The following HSP90B1 variants were observed in gnomAD, a reference collection of about 807,000 sequenced individuals.
HSP90B1 encodes the protein heat shock protein 90 beta family member 1.
A neutral mutation model predicts 100.4 loss-of-function variants in HSP90B1; 27 were observed. The observed-to-expected ratio is 0.27, with a 90% CI of 0.20 to 0.37. The LOEUF (loss-of-function observed/expected upper bound fraction) is 0.37. Ranked by LOEUF, HSP90B1 falls within the 10% of genes least tolerant of loss-of-function variation. HSP90B1 has a pLI of 1.00. For missense variants in HSP90B1, 678 were observed against 960.5 expected (o/e 0.71, Z 3.89); for synonymous variants, 304 against 330.8 (o/e 0.92, Z 0.88).
Position 103,942,746 on chromosome 12 carries a change from A to C in HSP90B1, c.1594A>C (p.Lys532Gln), listed in dbSNP as rs1441179893. ...CCTAGACCAGTATGTGGAAAGAATG[A>C]AGGAAAAACAAGACAAAATCTACTT... The part of the protein sequence containing the change: ...TSLDQYVERM[K>Q]EKQDKIYFMA... The change falls in exon 12 of 18, where the codon AAG becomes CAG. Residue 532 changes from lysine to glutamine, a missense_variant. By Grantham distance (53) the Lys-to-Gln change is moderately conservative (BLOSUM62 1). Coordinates refer to ENST00000299767, the MANE Select transcript of HSP90B1 (RefSeq NM_003299.3). The C allele has an allele frequency of 6.2e-7, 1 of 1,613,956 alleles. No homozygotes were observed. Among genetic ancestry groups the C allele is most frequent in the Non-Finnish European group, 8.5e-7 (1 of 1,179,832 alleles).
At position 103,938,580 on chromosome 12, in the gene HSP90B1, A is replaced by T; in HGVS notation, c.975+121A>T. Reference sequence around the variant, plus strand: ...TTCAGTTCAGGTGCTAAGTCCATGGAGCCAGCTTTTAAAATAAGGCCTTTG... The same window carrying T: ...TTCAGTTCAGGTGCTAAGTCCATGGTGCCAGCTTTTAAAATAAGGCCTTTG... On this transcript the variant is annotated intron_variant, in intron 7 of 17. Transcript: ENST00000299767. The T allele has an allele frequency of 4.6e-6, 5 of 1,096,898 alleles. No homozygotes were observed. In the South Asian group the frequency reaches 8.5e-5, roughly 19 times the overall value. The allele number at this position is 1,096,898 out of a possible 1,614,324, so 67.9% of individuals were successfully genotyped here.
chr12:103,931,593 G>C lies in HSP90B1; in HGVS notation c.122G>C (p.Gly41Ala). Residue 41 changes from glycine to alanine, a missense_variant, in exon 2 of 18, where the codon GGA becomes GCA. Transcript: ENST00000299767. ...VEEDLGKSRE[G>A]SRTDDEVVQR... Reference sequence around the variant, plus strand: ...GAGGATCTGGGTAAAAGTAGAGAAGGATCAAGGACGGATGATGAAGTAGTA... The same window carrying C: ...GAGGATCTGGGTAAAAGTAGAGAAGCATCAAGGACGGATGATGAAGTAGTA... The C allele has an allele frequency of 2.5e-6, 4 of 1,613,432 alleles. No homozygotes were observed. The highest frequency in any genetic ancestry group is 3.4e-6 in the Non-Finnish European group (4 of 1,179,438).
chr12:103,933,913 G>A, intron 4 of HSP90B1, 43 bp from the exon 5 acceptor site: 2 of 1,498,536 alleles, frequency 1.3e-6, no homozygotes, highest in South Asian at 1.2e-5. Flanking sequence ...TTGGCATAAT[G>A]TAAATATTAA....
chr12:103,947,623 T>G lies in HSP90B1; in HGVS notation c.2383-10T>G, dbSNP rs758207861. 2 of 1,577,384 alleles carry G rather than the reference T, an allele frequency of 1.3e-6. No individual in the cohort carries two copies. Among genetic ancestry groups the G allele is most frequent in the Non-Finnish European group, 1.7e-6 (2 of 1,159,176 alleles). On this transcript the variant is annotated splice_polypyrimidine_tract_variant and intron_variant, in intron 17 of 17. Coordinates refer to ENST00000299767, the MANE Select transcript of HSP90B1 (RefSeq NM_003299.3). ...TTAATACCTTCTGGGTTTTTTTTAT[T>G]TATTTACAGGAATCTACAGCTGAAA...
At chr12:103,937,487 G>C (rs552777802) in intron 5 of HSP90B1, among the ~76,000 whole-genome samples, 1 of 152,306 alleles carries the variant, frequency 6.6e-6, no homozygotes, top group African/African-American at 2.4e-5. Flanking sequence ...CTCCACTTGA[G>C]GTAATGTAGA....
intron 14 of HSP90B1, among the ~76,000 whole-genome samples, chr12:103,944,360 A>G (rs923127393): frequency 6.6e-6 from 1 of 152,176 alleles, no homozygotes; most frequent in Non-Finnish European, 1.5e-5. Context: ...TCAAGGGCCT[A>G]TACCTGGAGG....
intron 17 of HSP90B1, 74 bp downstream of exon 17, chr12:103,947,504 G>A (rs1428004876): frequency 1.1e-5 from 17 of 1,611,408 alleles, no homozygotes; most frequent in Non-Finnish European, 1.4e-5. Context: ...TTCTGGCAAA[G>A]TTAAGACTGT....
At chr12:103,939,762 A>G (rs1870023574) in intron 8 of HSP90B1, 137 bp downstream of exon 8, 1 of 489,280 alleles carries the variant, frequency 2.0e-6, no homozygotes, top group Non-Finnish European at 3.7e-6. Flanking sequence ...GAAAATTCAA[A>G]AAAAGACCTT....
At chr12:103,934,325 T>G (rs1478730030) in intron 5 of HSP90B1, 38 bp downstream of exon 5, 1 of 1,479,240 alleles carries the variant, frequency 6.8e-7, no homozygotes, top group Middle Eastern at 1.7e-4. Context: ...TTAATAGTCA[T>G]GGTGAGGATC....
chr12:103,936,939 G>A (rs1186224481), intron 5 of HSP90B1, among the ~76,000 whole-genome samples: 1 of 152,146 alleles, frequency 6.6e-6, no homozygotes, highest in Non-Finnish European at 1.5e-5. Context: ...GACAGGGAGG[G>A]AACCATAGAT....
In HSP90B1 at chr12:103,939,591, A is replaced by C. The variant is rs375594636; in HGVS notation, c.1058A>C (p.Asp353Ala). 5.4e-5 allele frequency: 84 copies of C among 1,566,536 alleles called. No homozygotes were observed. The South Asian group carries it at 6.1e-4, about 11-fold the overall frequency. ...WQRPSKEVEE[D>A]EYKAFYKSFS... ...AGACCATCAAAAGAAGTAGAAGAAGATGAATACAAAGCTTTCTACAAATCA... is the reference window on the plus strand; with the variant it reads ...AGACCATCAAAAGAAGTAGAAGAAGCTGAATACAAAGCTTTCTACAAATCA... Residue 353 changes from aspartate to alanine, a missense_variant, in exon 8 of 18, where the codon GAT becomes GCT. Transcript: ENST00000299767.
Position 103,946,830 on chromosome 12 carries a change from G to A in HSP90B1, c.2151G>A (p.Leu717=). ...DKTVLDLAVV[L]FETATLRSGY... The stretch of plus-strand genomic sequence containing the variant: ...CAGTTTTGGATCTTGCTGTGGTTTT[G>A]TTTGAAACAGCAACGCTTCGGTCAG... Residue 717 remains leucine, a synonymous_variant, in exon 16 of 18, where the codon TTG becomes TTA. Coordinates refer to ENST00000299767, the MANE Select transcript of HSP90B1 (RefSeq NM_003299.3). 3 of 1,614,124 alleles carry A rather than the reference G, an allele frequency of 1.9e-6. No homozygotes were observed. Among genetic ancestry groups the A allele is most frequent in the South Asian group, 1.1e-5 (1 of 91,078 alleles).
At chr12:103,942,909 AG>A (rs1870119569) in intron 12 of HSP90B1, 113 bp downstream of exon 12, 50 of 1,423,848 alleles carry the variant, frequency 3.5e-5, no homozygotes, top group Non-Finnish European at 4.8e-5. Flanking sequence ...AGTAGTTATA[AG>A]GCCTGGTCAG....
intron 14 of HSP90B1, among the ~76,000 whole-genome samples, chr12:103,944,263 C>A (rs1287853315): frequency 6.6e-6 from 1 of 152,172 alleles, no homozygotes; most frequent in Non-Finnish European, 1.5e-5. Flanking sequence ...ACGTCCCCCA[C>A]ACCCCCAAGC....
rs1410751557 is a variant in HSP90B1 at position 103,943,698 on chromosome 12, T to TTAC, written c.1891-40_1891-39insTAC. ...AAGACAATTGCTCAATGACCTTACC[T>TTAC]GTTGATATTAATTTATATGACTTGA... is the stretch of plus-strand genomic sequence containing the variant. On this transcript the variant is annotated intron_variant, in intron 13 of 17. Transcript: ENST00000299767. This position sits in a 1 kb window ranked among gnomAD's most constrained non-coding sequence, Gnocchi z 5.3. The TTAC allele has an allele frequency of 6.3e-7, 1 of 1,590,278 alleles. No individual in the cohort carries two copies. Among genetic ancestry groups the TTAC allele is most frequent in the Non-Finnish European group, 8.6e-7 (1 of 1,165,272 alleles).
rs1428140798 is a variant in HSP90B1 at position 103,930,999 on chromosome 12, T to C, written c.49+435T>C. On this transcript the variant is annotated intron_variant, in intron 1 of 17. Coordinates refer to ENST00000299767, the MANE Select transcript of HSP90B1 (RefSeq NM_003299.3). The surrounding 1 kb of genome is among the most constrained non-coding windows in gnomAD (Gnocchi z 4.4). ...TTCTTAGATGCTGGCCTCGGGAGCG[T>C]GAGGCCTGGGGCCAGCGGAATGGCA... Among the ~76,000 whole-genome samples the C allele has an allele frequency of 6.6e-6, 1 of 152,172 alleles. No homozygotes were observed. The highest frequency in any genetic ancestry group is 1.5e-5 in the Non-Finnish European group (1 of 68,036).
chr12:103,944,980 C>T (rs148552539), intron 14 of HSP90B1, among the ~76,000 whole-genome samples: 41 of 152,294 alleles, frequency 2.7e-4, no homozygotes, highest in African/African-American at 9.6e-4. Flanking sequence ...TATCTGATAT[C>T]CCATTGCAAT....
At chr12:103,947,254 A>G in intron 16 of HSP90B1, 57 bp from the exon 17 acceptor site, 1 of 1,526,970 alleles carries the variant, frequency 6.5e-7, no homozygotes, top group Non-Finnish European at 8.7e-7. Flanking sequence ...ATACATATAA[A>G]TGAGCAAAGT....
In HSP90B1 at chr12:103,942,654, C is replaced by T. The variant is rs1441073648; in HGVS notation, c.1502C>T (p.Ser501Leu). Reference sequence around the variant, plus strand: ...AAGCTTGGTGTGATTGAAGACCACTCGAATCGAACACGTCTTGCTAAACTT... The same window carrying T: ...AAGCTTGGTGTGATTGAAGACCACTTGAATCGAACACGTCTTGCTAAACTT... ...NIKLGVIEDHSNRTRLAKLLR... is the reference protein window; with the variant it reads ...NIKLGVIEDHLNRTRLAKLLR... The change falls in exon 12 of 18, where the codon TCG (serine) becomes TTG (leucine). Residue 501 changes from serine (S) to leucine (L), a missense_variant. Around this residue, in one of 8 missense-constraint regions of HSP90B1, gnomAD observed 170 missense variants for 236.7 expected, o/e 0.72. Coordinates refer to ENST00000299767, the MANE Select transcript of HSP90B1 (RefSeq NM_003299.3). The T allele has an allele frequency of 1.9e-6, 3 of 1,613,966 alleles. No individual in the cohort carries two copies. The highest frequency in any genetic ancestry group is 1.7e-4 in the Middle Eastern group (1 of 6,058).
Sources: allele counts gnomAD v4.1 joint callset (sites outside exome capture counted in the v4.1 genomes callset), GRCh38; gene constraint gnomAD v4.1.1; regional missense constraint gnomAD v4.1.1; non-coding constraint Gnocchi (gnomAD v3.1); transcripts MANE v1.5; gene names NCBI Gene and HGNC (gene_info 2026-07-23, HGNC 2026-07-21).